The following CLCN3 variants were observed in gnomAD, a reference collection of about 807,000 sequenced individuals.
CLCN3 encodes Cl-/H+ antiporter 3.
A neutral mutation model predicts 83.4 loss-of-function variants in CLCN3; 16 were observed. The observed-to-expected ratio is 0.19, with a 90% CI of 0.13 to 0.29. The LOEUF is 0.29. CLCN3 is among the 10% of genes least tolerant of loss of function. The pLI is 1.00. For missense variants in CLCN3, 544 were observed against 1,006.0 expected, an observed-to-expected ratio of 0.54 and a Z score of 6.21; for synonymous variants, 322 against 346.2, an observed-to-expected ratio of 0.93 and a Z score of 0.78.
At chr4:169,652,521 T>G (rs1560837029) in intron 2 of CLCN3, among the ~76,000 whole-genome samples, 1 of 152,228 alleles carries the variant, frequency 6.6e-6, no homozygotes, top group Non-Finnish European at 1.5e-5. Context: ...TTACTACAGT[T>G]TACCTATTCA....
At chr4:169,675,119 T>C (rs1235004907) in intron 2 of CLCN3, among the ~76,000 whole-genome samples, 4 of 152,266 alleles carry the variant, frequency 2.6e-5, no homozygotes, top group Non-Finnish European at 4.4e-5. Flanking sequence ...CAAACATTTA[T>C]TAGTACTATT....
At chr4:169,664,233 C>G (rs779997473) in intron 2 of CLCN3, among the ~76,000 whole-genome samples, 1 of 152,082 alleles carries the variant, frequency 6.6e-6, no homozygotes, top group Non-Finnish European at 1.5e-5. Context: ...CAAAAAGTGT[C>G]GCTTTGCCAT....
chr4:169,690,908 C>T (rs1732344038), intron 6 of CLCN3, among the ~76,000 whole-genome samples: 1 of 151,834 alleles, frequency 6.6e-6, no homozygotes, highest in Non-Finnish European at 1.5e-5. Context: ...GGCAAATTTT[C>T]AGACTATTTA....
At chr4:169,680,416 G>A (rs1236286242) in intron 3 of CLCN3, 2 of 416,064 alleles carry the variant, frequency 4.8e-6, no homozygotes, top group Middle Eastern at 1.3e-3. Context: ...AAGGATTTCA[G>A]GTAGCTAAAA....
intron 2 of CLCN3, among the ~76,000 whole-genome samples, chr4:169,643,967 G>C (rs1730497531): frequency 6.6e-6 from 1 of 152,326 alleles, no homozygotes; most frequent in South Asian, 2.1e-4. Flanking sequence ...AATAACTAAA[G>C]TGAGTGTGTC....
intron 5 of CLCN3, 118 bp downstream of exon 5, chr4:169,689,348 C>T: frequency 1.3e-6 from 1 of 767,990 alleles, no homozygotes. Context: ...AATGGATCCA[C>T]CCTCAACACA....
chr4:169,718,296 T>C (rs1290419430), intron 12 of CLCN3, among the ~76,000 whole-genome samples: 1 of 151,920 alleles, frequency 6.6e-6, no homozygotes, highest in Non-Finnish European at 1.5e-5. Flanking sequence ...TGTGGTAGTC[T>C]TATGGTAAAT....
chr4:169,699,874 A>G (rs537796365), intron 9 of CLCN3, among the ~76,000 whole-genome samples: 1 of 152,260 alleles, frequency 6.6e-6, no homozygotes, highest in East Asian at 1.9e-4. Flanking sequence ...AGGGCAAGAC[A>G]CTGTCTCAAA....
Position 169,704,126 on chromosome 4 carries a change from C to G in CLCN3, c.1692C>G (p.Val564=). The change falls in exon 10 of 13, where the codon GTC becomes GTG. Residue 564 remains valine, a synonymous_variant. Transcript: ENST00000513761. ...DWFIFKEWCE[V]GADCITPGLY... ...TTATCTTTAAGGAGTGGTGTGAGGT[C>G]GGGGCTGATTGCATTACACCTGGCC... 6.2e-7 allele frequency: 1 copy of G among 1,613,802 alleles called. No individual in the cohort carries two copies. The highest frequency in any genetic ancestry group is 1.1e-5 in the South Asian group (1 of 91,062).
Position 169,635,821 on chromosome 4 carries a change from A to C in CLCN3, c.-16-92A>C, listed in dbSNP as rs1773486533. 5.0e-6 allele frequency: 5 copies of C among 1,008,322 alleles called. No homozygotes were observed. The South Asian group carries it at 1.2e-4, about 24-fold the overall frequency. 62.5% of individuals were successfully genotyped at this position (1,008,322 alleles called of 1,614,324 possible). ...GTGAATACGCTTAATTTTTTTTAGC[A>C]CATAGATCATAACTTTCCTTTTGTG... On this transcript the variant is annotated intron_variant, in intron 1 of 12. Coordinates refer to ENST00000513761, the MANE Select transcript of CLCN3 (RefSeq NM_001829.4).
chr4:169,623,403 T>C (rs1382153999), intron 1 of CLCN3, among the ~76,000 whole-genome samples: 1 of 152,194 alleles, frequency 6.6e-6, no homozygotes, highest in African/African-American at 2.4e-5. Context: ...AGATAATCAT[T>C]GTGTATATTT....
chr4:169,644,704 A>C (rs1730523243), intron 2 of CLCN3, among the ~76,000 whole-genome samples: 1 of 152,182 alleles, frequency 6.6e-6, no homozygotes, highest in Non-Finnish European at 1.5e-5. Flanking sequence ...CCCACACCCG[A>C]ATTCCCAAAA....
chr4:169,636,987 A>G (rs1170776169), intron 2 of CLCN3, among the ~76,000 whole-genome samples: 4 of 152,050 alleles, frequency 2.6e-5, no homozygotes. Context: ...CATTTCTACT[A>G]GCAATGTGTG....
chr4:169,629,856 G>T (rs1349344029), intron 1 of CLCN3, among the ~76,000 whole-genome samples: 1 of 152,198 alleles, frequency 6.6e-6, no homozygotes, highest in Non-Finnish European at 1.5e-5. Flanking sequence ...ATTTGATCCA[G>T]ATAGTAAGTG....
intron 2 of CLCN3, among the ~76,000 whole-genome samples, chr4:169,654,659 G>T (rs534804229): frequency 7.9e-5 from 12 of 152,130 alleles, no homozygotes; most frequent in African/African-American, 2.2e-4. Flanking sequence ...AACACATGAG[G>T]AATTTCTGGC....
At chr4:169,625,904 C>T (rs1773222076) in intron 1 of CLCN3, among the ~76,000 whole-genome samples, 1 of 152,204 alleles carries the variant, frequency 6.6e-6, no homozygotes, top group South Asian at 2.1e-4. Flanking sequence ...TTGGGGGTTT[C>T]TCCCCCCACA....
intron 6 of CLCN3, 122 bp downstream of exon 6, chr4:169,690,774 A>C (rs939305128): frequency 5.7e-6 from 5 of 872,310 alleles, no homozygotes; most frequent in Non-Finnish European, 8.4e-6. Context: ...TATGAAAAAA[A>C]AATTTTTTTA....
intron 1 of CLCN3, among the ~76,000 whole-genome samples, chr4:169,634,095 T>C (rs1211296486): frequency 2.6e-5 from 4 of 152,194 alleles, no homozygotes; most frequent in Admixed American, 2.6e-4. Flanking sequence ...AAAGGTATTA[T>C]GAAATTAATT....
intron 2 of CLCN3, among the ~76,000 whole-genome samples, chr4:169,669,973 G>GT (rs1321751354): frequency 6.6e-6 from 1 of 152,118 alleles, no homozygotes; most frequent in Admixed American, 6.6e-5. Context: ...GGGGTTGTTT[G>GT]TTTTTTTCTT....
Sources: allele counts gnomAD v4.1 joint callset (sites outside exome capture counted in the v4.1 genomes callset), GRCh38; gene constraint gnomAD v4.1.1; transcripts MANE v1.5; gene names NCBI Gene and HGNC (gene_info 2026-07-23, HGNC 2026-07-21).